Variants in SRD5A2 observed in about 807,000 individuals in gnomAD.
The protein encoded by SRD5A2 is 3-oxo-5-alpha-steroid 4-dehydrogenase 2.
In SRD5A2, 30 loss-of-function variants were observed where a neutral mutation model predicts 27.4. That is an observed-to-expected ratio of 1.10 (90% CI 0.82 to 1.49). The LOEUF (loss-of-function observed/expected upper bound fraction) is 1.49, where lower values mean the gene tolerates loss of function less well. Among genes scored for constraint, SRD5A2 ranks in the 40% most tolerant of loss-of-function variants. The pLI is 0.00. For synonymous variants in SRD5A2, 141 were observed against 133.6 expected (o/e 1.06, Z -0.38); for missense variants, 348 against 323.4 (o/e 1.08, Z -0.58).
At chr2:31,647,605 G>T in the SRD5A2 span, among the ~76,000 whole-genome samples, 3 of 152,254 alleles carry the variant, frequency 2.0e-5, no homozygotes, top group South Asian at 6.2e-4. Flanking sequence ...GATTAAAAAT[G>T]CAGTGAAAAA....
intron 1 of SRD5A2, among the ~76,000 whole-genome samples, chr2:31,560,053 A>C (rs1666587652): frequency 1.2e-5 from 1 of 80,110 alleles, no homozygotes; most frequent in African/African-American, 5.1e-5. Flanking sequence ...TGTACATACC[A>C]ATCCCCCCCC....
chr2:31,550,405 A>C (rs1401017567), intron 1 of SRD5A2, among the ~76,000 whole-genome samples: 1 of 151,868 alleles, frequency 6.6e-6, no homozygotes, highest in African/African-American at 2.4e-5. Context: ...TCCAAAAAAA[A>C]AAAAGGTAAA....
chr2:31,531,153 C>T (rs1478366919), intron 3 of SRD5A2, among the ~76,000 whole-genome samples: 1 of 152,218 alleles, frequency 6.6e-6, no homozygotes, highest in African/African-American at 2.4e-5. Context: ...GGTCTCGCAC[C>T]TTCCTGAGGG....
intron 1 of SRD5A2, among the ~76,000 whole-genome samples, chr2:31,564,715 A>G (rs543302856): frequency 3.3e-4 from 50 of 152,170 alleles, no homozygotes; most frequent in African/African-American, 1.1e-3. Context: ...TGTTGGAAAT[A>G]ATGCAAACAA....
At chr2:31,604,082 T>G in the SRD5A2 span, among the ~76,000 whole-genome samples, 5 of 151,906 alleles carry the variant, frequency 3.3e-5, no homozygotes, top group East Asian at 9.7e-4. Flanking sequence ...AAAGTCAATG[T>G]TTCTTCATAA....
the SRD5A2 span, among the ~76,000 whole-genome samples, chr2:31,650,996 A>G: frequency 1.3e-5 from 2 of 152,210 alleles, no homozygotes; most frequent in Admixed American, 1.3e-4. Context: ...TGGTTGACTA[A>G]CTATAGATCT....
intron 1 of SRD5A2, chr2:31,563,176 C>T (rs148715131): frequency 6.6e-6 from 1 of 152,130 alleles, no homozygotes; most frequent in East Asian, 1.9e-4. Flanking sequence ...TAAAATACGT[C>T]CCAAAGCATT....
At chr2:31,535,386 C>A (rs1445412915) in intron 1 of SRD5A2, among the ~76,000 whole-genome samples, 3 of 152,184 alleles carry the variant, frequency 2.0e-5, no homozygotes, top group Non-Finnish European at 2.9e-5. Context: ...CCCTTGGCAA[C>A]AGCAGTTCCA....
Position 31,529,316 on chromosome 2 carries a change from T to G in SRD5A2, c.689A>C (p.His230Pro), listed in dbSNP as rs1477486919. 1.9e-6 allele frequency: 3 copies of G among 1,613,802 alleles called. No individual in the cohort carries two copies. The highest frequency in any genetic ancestry group is 2.5e-6 in the Non-Finnish European group (3 of 1,179,794). The change falls in exon 4 of 5, where the codon CAC becomes CCC. Residue 230 changes from histidine (H) to proline (P), a missense_variant. His to Pro is a moderately conservative substitution (Grantham distance 77, BLOSUM62 -2). Transcript: ENST00000622030. Reference sequence around the variant, plus strand: ...TTATTGAAAAATTTACCTATGGTGGTGAAAAGCTCGCAGCCCAAGGAAACA... The same window carrying G: ...TTATTGAAAAATTTACCTATGGTGGGGAAAAGCTCGCAGCCCAAGGAAACA... ...SLCFLGLRAF[H>P]HHRFYLKMFE...
intron 1 of SRD5A2, among the ~76,000 whole-genome samples, chr2:31,558,767 C>G (rs1342265982): frequency 6.6e-6 from 1 of 152,084 alleles, no homozygotes; most frequent in Non-Finnish European, 1.5e-5. Flanking sequence ...CAGTAACAGG[C>G]TGTAGAGGTT....
At chr2:31,531,626 G>A (rs868435948) in intron 2 of SRD5A2, among the ~76,000 whole-genome samples, 154 bp from the exon 3 acceptor site, 1 of 152,210 alleles carries the variant, frequency 6.6e-6, no homozygotes, top group Non-Finnish European at 1.5e-5. Context: ...AGGGCAATGA[G>A]TCCTGGTCCT....
At chr2:31,584,806 A>G (rs1329780586), upstream of SRD5A2, among the ~76,000 whole-genome samples, 2 of 152,230 alleles carry the variant, frequency 1.3e-5, no homozygotes, top group African/African-American at 2.4e-5. Flanking sequence ...TTTAACAACT[A>G]TCTGTGCAAG....
chr2:31,645,846 G>T, the SRD5A2 span, among the ~76,000 whole-genome samples: 1 of 152,258 alleles, frequency 6.6e-6, no homozygotes, highest in East Asian at 1.9e-4. Context: ...GTACGTGTGT[G>T]TGGCTCACGT....
At chr2:31,529,051 G>A (rs917743594) in intron 4 of SRD5A2, among the ~76,000 whole-genome samples, 7 of 152,214 alleles carry the variant, frequency 4.6e-5, no homozygotes, top group Admixed American at 1.3e-4. Context: ...CTTCCCGGCC[G>A]TCACCTCAGT....
chr2:31,634,825 A>C, the SRD5A2 span, among the ~76,000 whole-genome samples: 3 of 152,036 alleles, frequency 2.0e-5, no homozygotes, highest in African/African-American at 7.2e-5. Context: ...TAACATAATG[A>C]CCTCCCATTT....
At chr2:31,528,949 G>C (rs1020404408) in intron 4 of SRD5A2, among the ~76,000 whole-genome samples, 1 of 152,206 alleles carries the variant, frequency 6.6e-6, no homozygotes, top group Non-Finnish European at 1.5e-5. Context: ...AGGTAAGCCT[G>C]CCTGGTGGGC....
intron 1 of SRD5A2, among the ~76,000 whole-genome samples, chr2:31,567,759 G>C (rs1319082186): frequency 6.6e-6 from 1 of 152,136 alleles, no homozygotes; most frequent in African/African-American, 2.4e-5. Context: ...TGTGTCACGA[G>C]ATCCTTGGGG....
chr2:31,637,875 A>T, the SRD5A2 span, among the ~76,000 whole-genome samples: 1 of 152,012 alleles, frequency 6.6e-6, no homozygotes, highest in Non-Finnish European at 1.5e-5. Context: ...TTTATCTTTT[A>T]AAAATACAAA....
At chr2:31,570,804 G>T (rs1010824267) in intron 1 of SRD5A2, among the ~76,000 whole-genome samples, 1 of 151,998 alleles carries the variant, frequency 6.6e-6, no homozygotes, top group East Asian at 1.9e-4. Context: ...AAATACCTAG[G>T]AATACAACTA....
Sources: allele counts gnomAD v4.1 joint callset (sites outside exome capture counted in the v4.1 genomes callset), GRCh38; gene constraint gnomAD v4.1.1; transcripts MANE v1.5; gene names NCBI Gene and HGNC (gene_info 2026-07-23, HGNC 2026-07-21).